Variants in SLC13A5 observed in about 807,000 individuals in gnomAD.
SLC13A5 encodes solute carrier family 13 member 5, also known as Na(+)/citrate cotransporter.
In SLC13A5, 25 loss-of-function variants were observed where a neutral mutation model predicts 56.5. The observed-to-expected ratio is 0.44, with a 90% CI of 0.32 to 0.62. SLC13A5 has a LOEUF of 0.62. Ranked by LOEUF, SLC13A5 falls within the 20% of genes least tolerant of loss-of-function variation. SLC13A5 has a pLI of 0.04. For synonymous variants in SLC13A5, 307 were observed against 301.5 expected (o/e 1.02, Z -0.19); for missense variants, 649 against 737.8 (o/e 0.88, Z 1.39).
chr17:6,688,912 A>G (rs750809203), intron 10 of SLC13A5: 1 of 152,240 alleles, frequency 6.6e-6, no homozygotes, highest in Non-Finnish European at 1.5e-5. Flanking sequence ...ACCATCTGCA[A>G]TTTTAAAAAA....
rs1974011106 is a variant in SLC13A5 at position 6,711,145 on chromosome 17, T to A, written c.102+2087A>T. ...CTGGCAAGGACTGTGTTGCTCAGGCTGCCAAGGTCCTCCCAGCTTCTCACC... is the reference window on the plus strand; with the variant it reads ...CTGGCAAGGACTGTGTTGCTCAGGCAGCCAAGGTCCTCCCAGCTTCTCACC... On this transcript the variant is annotated intron_variant, in intron 1 of 11. Coordinates refer to ENST00000433363, the MANE Select transcript of SLC13A5 (RefSeq NM_177550.5). The surrounding 1 kb of genome is among the most constrained non-coding windows in gnomAD (Gnocchi z 4.0). Among the ~76,000 whole-genome samples, 1 of 152,070 alleles carries A rather than the reference T, an allele frequency of 6.6e-6. No homozygotes were observed. Among genetic ancestry groups the A allele is most frequent in the Admixed American group, 6.5e-5 (1 of 15,270 alleles).
At chr17:6,704,524 A>G (rs73976253) in intron 3 of SLC13A5, 14,424 of 329,690 alleles carry the variant, frequency 0.044, 829 homozygotes, top group African/African-American at 0.18. Flanking sequence ...ACCTCTCAGA[A>G]GTTCAGAAGG....
rs1379392210 is a variant in SLC13A5 at position 6,711,554 on chromosome 17, T to G, written c.102+1678A>C. On this transcript the variant is annotated intron_variant, in intron 1 of 11. Transcript: ENST00000433363. This position sits in a 1 kb window ranked among gnomAD's most constrained non-coding sequence, Gnocchi z 4.0. ...TTTTTTGTGTGTTTTGTGTGTGTGT[T>G]TGTGTGTGTGTTTGTGTGTCTGTGT... 1.4e-5 allele frequency among the ~76,000 whole-genome samples: 2 copies of G among 144,230 alleles called. No homozygotes were observed. The highest frequency in any genetic ancestry group is 2.5e-5 in the African/African-American group (1 of 39,246). 94.6% of individuals were successfully genotyped at this position (144,230 alleles called of 152,430 possible). A position where few individuals can be genotyped will look rare whatever the true frequency, so the allele number is the denominator to read the frequency against.
chr17:6,702,351 C>A (rs573564582), intron 5 of SLC13A5, among the ~76,000 whole-genome samples: 1 of 152,212 alleles, frequency 6.6e-6, no homozygotes, highest in African/African-American at 2.4e-5. Flanking sequence ...CTCTTGGGGT[C>A]CTCATGGCCT....
At chr17:6,706,504 G>C in intron 3 of SLC13A5, 138 bp downstream of exon 3, 1 of 1,252,556 alleles carries the variant, frequency 8.0e-7, no homozygotes, top group Non-Finnish European at 1.1e-6. Flanking sequence ...AAGCTATAAC[G>C]CACCCCACCC....
In SLC13A5 at chr17:6,686,268, C is replaced by G; in HGVS notation, c.1646G>C (p.Arg549Pro). 1.2e-6 allele frequency: 2 copies of G among 1,614,134 alleles called. No homozygotes were observed. Among genetic ancestry groups the G allele is most frequent in the Non-Finnish European group, 1.7e-6 (2 of 1,180,014 alleles). ...GAAATGATCCAAGTCAAATATGGCC[C>G]GTCCCCAGGTGTTGACAGCCAAAAA... ...CVFLAVNTWG[R>P]AIFDLDHFPD... The change falls in exon 12 of 12, where the codon CGG (arginine) becomes CCG (proline). Residue 549 changes from arginine to proline, a missense_variant. Coordinates refer to ENST00000433363, the MANE Select transcript of SLC13A5 (RefSeq NM_177550.5).
At chr17:6,702,831 A>C (rs1597670979) in intron 5 of SLC13A5, 139 bp downstream of exon 5, 1 of 1,042,898 alleles carries the variant, frequency 9.6e-7, no homozygotes, top group Non-Finnish European at 1.4e-6. Context: ...ACATCTTTCC[A>C]CCCCTGCCAG....
In SLC13A5 at chr17:6,686,312, T is replaced by C. The variant is rs1234607889; in HGVS notation, c.1602A>G (p.Ile534Met). ...CCAAAAACACACAGAAGACTCCAAT[T>C]ATGTTCATTATGACTCCTGTTTTCA... ...DMVKTGVIMN[I>M]IGVFCVFLAV... The change falls in exon 12 of 12, where the codon ATA becomes ATG. Residue 534 changes from isoleucine (I) to methionine (M), a missense_variant. Transcript: ENST00000433363. 1.9e-6 allele frequency: 3 copies of C among 1,614,056 alleles called. No homozygotes were observed. The highest frequency in any genetic ancestry group is 3.3e-5 in the Admixed American group (2 of 60,030).
intron 3 of SLC13A5, chr17:6,704,590 A>G: frequency 4.0e-6 from 1 of 248,902 alleles, no homozygotes; most frequent in Non-Finnish European, 8.2e-6. Flanking sequence ...AAGTGTGACT[A>G]TTCTCCCGGC....
At position 6,706,993 on chromosome 17, in the gene SLC13A5, C is replaced by G. The variant is rs377418349; in HGVS notation, c.231+35G>C. On this transcript the variant is annotated intron_variant, in intron 2 of 11. Coordinates refer to ENST00000433363, the MANE Select transcript of SLC13A5 (RefSeq NM_177550.5). ...ACTAGAGAAAGAGAGAAGGGGAGAA[C>G]CAGAAAGTCACCAGGATCCCTTGGG... The G allele has an allele frequency of 2.5e-6, 4 of 1,612,040 alleles. No homozygotes were observed. The African/African-American group carries it at 4.0e-5, about 16-fold the overall frequency.
intron 10 of SLC13A5, chr17:6,689,756 C>T (rs973537201): frequency 1.3e-5 from 2 of 152,170 alleles, no homozygotes; most frequent in Admixed American, 6.5e-5. Flanking sequence ...GCTTTTTATA[C>T]ATGCAGACGC....
chr17:6,706,823 A>C, intron 2 of SLC13A5, 45 bp from the exon 3 acceptor site: 1 of 1,605,986 alleles, frequency 6.2e-7, no homozygotes, highest in Non-Finnish European at 8.5e-7. Flanking sequence ...CCCTTGCCAC[A>C]CACTAGAGCC....
chr17:6,709,107 T>A (rs546134572), intron 1 of SLC13A5, among the ~76,000 whole-genome samples: 1 of 151,676 alleles, frequency 6.6e-6, no homozygotes, highest in South Asian at 2.1e-4. Flanking sequence ...CCTTCCTTTT[T>A]TTTCCCTCCC....
At position 6,703,218 on chromosome 17, in the gene SLC13A5, C is replaced by T. The variant is rs8072966; in HGVS notation, c.548-80G>A. On this transcript the variant is annotated intron_variant, in intron 4 of 11. Transcript: ENST00000433363. ...CCCCAGGTCCTGACTCTGCTGCTGACCTGAGGATTGGGAAATCCCAGCTCT... is the reference window on the plus strand; with the variant it reads ...CCCCAGGTCCTGACTCTGCTGCTGATCTGAGGATTGGGAAATCCCAGCTCT... The T allele has an allele frequency of 0.079, 121,627 of 1,548,288 alleles. 5,594 individuals are homozygous for T. The highest frequency in any genetic ancestry group is 0.094 in the Non-Finnish European group (106,737 of 1,134,760).
rs1250174261 is a variant in SLC13A5 at position 6,694,124 on chromosome 17, A to G, written c.1129T>C (p.Phe377Leu). 7 of 1,613,524 alleles carry G rather than the reference A, an allele frequency of 4.3e-6. No individual in the cohort carries two copies. Among genetic ancestry groups the G allele is most frequent in the Non-Finnish European group, 5.9e-6 (7 of 1,179,762 alleles). Residue 377 changes from phenylalanine (F) to leucine (L), a missense_variant, in exon 8 of 12, where the codon TTT becomes CTT. Transcript: ENST00000433363. ...LFIVPSQKPKFNFRSQTEEER... is the reference protein window; with the variant it reads ...LFIVPSQKPKLNFRSQTEEER... ...TCCTCAGTCTGGCTGCGGAAGTTAA[A>G]CTTGGGCTTCTGTGAAGGCACAATG... is the stretch of plus-strand genomic sequence containing the variant.
intron 7 of SLC13A5, among the ~76,000 whole-genome samples, chr17:6,694,538 G>A (rs1051113857): frequency 4.6e-5 from 7 of 152,070 alleles, no homozygotes; most frequent in African/African-American, 1.7e-4. Flanking sequence ...GAATTGCTGG[G>A]AGGTGGAGGT....
At chr17:6,691,809 C>T (rs1973412714) in intron 9 of SLC13A5, among the ~76,000 whole-genome samples, 1 of 152,176 alleles carries the variant, frequency 6.6e-6, no homozygotes, top group African/African-American at 2.4e-5. Flanking sequence ...ATCTGACCAA[C>T]TCACCCCCTG....
In SLC13A5 at chr17:6,700,964, A is replaced by C. The variant is rs1973695638; in HGVS notation, c.839+40T>G. 5 of 1,611,918 alleles carry C rather than the reference A, an allele frequency of 3.1e-6. No individual in the cohort carries two copies. The East Asian group carries it at 1.1e-4, about 36-fold the overall frequency. ...GAGGGCTCTTCTGCAGCTTTGAGGC[A>C]TAATTAGGCATAATTAGGCTGTGAG... On this transcript the variant is annotated intron_variant, in intron 6 of 11. Coordinates refer to ENST00000433363, the MANE Select transcript of SLC13A5 (RefSeq NM_177550.5).
chr17:6,693,270 G>T, intron 8 of SLC13A5, 108 bp from the exon 9 acceptor site: 2 of 720,370 alleles, frequency 2.8e-6, no homozygotes, highest in Non-Finnish European at 4.4e-6. Context: ...TAATCAAGGG[G>T]GAATAAAGCT....
Sources: allele counts gnomAD v4.1 joint callset (sites outside exome capture counted in the v4.1 genomes callset), GRCh38; gene constraint gnomAD v4.1.1; non-coding constraint Gnocchi (gnomAD v3.1); transcripts MANE v1.5; gene names NCBI Gene and HGNC (gene_info 2026-07-23, HGNC 2026-07-21).